Variants in PIGN observed in about 807,000 individuals in gnomAD.
PIGN encodes GPI ethanolamine phosphate transferase 1.
A neutral mutation model predicts 125.4 loss-of-function variants in PIGN; 117 were observed. That is an observed-to-expected ratio of 0.93 (90% CI 0.80 to 1.09). The LOEUF (loss-of-function observed/expected upper bound fraction) is 1.09, where lower values mean the gene tolerates loss of function less well. Among genes scored for constraint, PIGN ranks in the 50% least tolerant of loss-of-function variants. The probability of loss-of-function intolerance (pLI) is 0.00; values close to 1 mark genes in which losing one functional copy is unlikely to be tolerated. For missense variants in PIGN, 1,075 were observed against 1,094.9 expected (o/e 0.98, Z 0.26); for synonymous variants, 392 against 377.8 (o/e 1.04, Z -0.44).
At chr18:62,037,100 A>C (rs1024673062), downstream of PIGN, among the ~76,000 whole-genome samples, 1 of 152,196 alleles carries the variant, frequency 6.6e-6, no homozygotes, top group Admixed American at 6.5e-5. Flanking sequence ...TGCTGTCATC[A>C]TCTATGTAAT....
chr18:62,085,167 ATTT>A, intron 26 of PIGN, 39 bp downstream of exon 26: 1 of 1,129,752 alleles, frequency 8.9e-7, no homozygotes, highest in Non-Finnish European at 1.3e-6. Context: ...AGGTTGCATT[ATTT>A]TTTAGTTATA....
At chr18:62,032,241 A>G (rs1380505435) in intron 23 of PIGN, among the ~76,000 whole-genome samples, 1 of 152,218 alleles carries the variant, frequency 6.6e-6, no homozygotes, top group African/African-American at 2.4e-5. Context: ...GGCACCCATA[A>G]TTCACACCAC....
chr18:62,097,636 CTT>C (rs1274579819), intron 22 of PIGN, among the ~76,000 whole-genome samples: 2 of 152,120 alleles, frequency 1.3e-5, no homozygotes, highest in African/African-American at 4.8e-5. Flanking sequence ...ATTTAGCACT[CTT>C]TGCTTAATTA....
chr18:62,060,060 A>G (rs1420206355), intron 30 of PIGN, among the ~76,000 whole-genome samples: 1 of 152,042 alleles, frequency 6.6e-6, no homozygotes, highest in African/African-American at 2.4e-5. Context: ...GAAATTACTG[A>G]CTCTTGGCTC....
chr18:62,069,487 G>A (rs1025050208), intron 30 of PIGN: 71 of 152,192 alleles, frequency 4.7e-4, no homozygotes, highest in African/African-American at 1.6e-3. Context: ...GCATATATAC[G>A]TACAATGAAC....
intron 4 of PIGN, among the ~76,000 whole-genome samples, chr18:62,158,671 C>T (rs2036828589): frequency 6.6e-6 from 1 of 152,182 alleles, no homozygotes; most frequent in Non-Finnish European, 1.5e-5. Flanking sequence ...ATATCTGCCT[C>T]TCAATACATT....
rs146190525 is a variant in PIGN at position 62,091,076 on chromosome 18, G to A, written c.2181-498C>T. ...ATTAAAACAACAGTGTTGGCCAGGC[G>A]TGGTGGTTCATGCCTGTAATCCCAG... is the stretch of plus-strand genomic sequence containing the variant. On this transcript the variant is annotated intron_variant, in intron 23 of 30. Transcript: ENST00000640252. Among the ~76,000 whole-genome samples the A allele has an allele frequency of 5.9e-3, 897 of 152,246 alleles. 10 individuals are homozygous for A. The highest frequency in any genetic ancestry group is 0.02 in the African/African-American group (831 of 41,546).
chr18:62,030,787 C>A (rs992686491), intron 23 of PIGN, among the ~76,000 whole-genome samples: 1 of 150,854 alleles, frequency 6.6e-6, no homozygotes, highest in African/African-American at 2.5e-5. Context: ...TGTGGCACTG[C>A]ATGTGCCTTT....
chr18:62,141,883 A>T (rs1431153414), intron 11 of PIGN, among the ~76,000 whole-genome samples: 1 of 152,086 alleles, frequency 6.6e-6, no homozygotes, highest in East Asian at 1.9e-4. Context: ...CCTTTAATAC[A>T]CCATGTACCC....
At position 62,106,939 on chromosome 18, in the gene PIGN, A is replaced by T. The variant is rs1312557084; in HGVS notation, c.1674+47T>A. The T allele has an allele frequency of 3.3e-6, 5 of 1,536,694 alleles. No individual in the cohort carries two copies. In the Admixed American group the frequency reaches 7.5e-5, roughly 23 times the overall value. On this transcript the variant is annotated intron_variant, in intron 18 of 30. Coordinates refer to ENST00000640252, the MANE Select transcript of PIGN (RefSeq NM_176787.5). ...TAAGGTCATTTAATACTAGTTACAA[A>T]TATATAAAAGAAATTTGCAAATGTT...
At chr18:62,124,700 C>T (rs1052317290) in intron 14 of PIGN, among the ~76,000 whole-genome samples, 1 of 152,176 alleles carries the variant, frequency 6.6e-6, no homozygotes, top group African/African-American at 2.4e-5. Flanking sequence ...AAATACCAGA[C>T]ATCATATGCC....
intron 4 of PIGN, among the ~76,000 whole-genome samples, chr18:62,159,052 T>C (rs2036844377): frequency 6.6e-6 from 1 of 152,214 alleles, no homozygotes; most frequent in African/African-American, 2.4e-5. Flanking sequence ...GAAACCAGCC[T>C]GGTCAACATG....
At position 62,065,112 on chromosome 18, in the gene PIGN, T is replaced by C. The variant is rs1003152754; in HGVS notation, c.2672+7561A>G. On this transcript the variant is annotated intron_variant, in intron 30 of 30. Coordinates refer to ENST00000640252, the MANE Select transcript of PIGN (RefSeq NM_176787.5). ...AGGCTAAAAGGCGTTTTCTTTTTCT[T>C]TCTCTCTCTCTCTCCCTCCCTTTGT... is the stretch of plus-strand genomic sequence containing the variant. Among the ~76,000 whole-genome samples the C allele has an allele frequency of 1.5e-4, 23 of 151,998 alleles. 1 individual carries two copies. The highest frequency in any genetic ancestry group is 4.8e-4 in the African/African-American group (20 of 41,492).
At position 62,134,251 on chromosome 18, in the gene PIGN, G is replaced by A. The variant is rs561738777; in HGVS notation, c.1172+3992C>T. Among the ~76,000 whole-genome samples, 31 of 152,134 alleles carry A rather than the reference G, an allele frequency of 2.0e-4. 1 individual carries two copies. In the South Asian group the frequency reaches 6.2e-3, roughly 31 times the overall value. ...CTACTAAAAACACAAAAATTAGCTG[G>A]GCGTGGTGGCGTGCTTGTAAGCCCA... On this transcript the variant is annotated intron_variant, in intron 14 of 30. Transcript: ENST00000640252.
chr18:62,082,687 C>T lies in PIGN; in HGVS notation c.2562G>A (p.Gln854=). ...ATTCATCTTACCTTTTTGACGATAA[C>T]TGAGTAGTCAACTGAACTGCTTCAA... ...CAFEAVQLTT[Q]LSSKSLFLIV... Residue 854 remains glutamine (Q), a synonymous_variant, in exon 28 of 31, where the codon CAG becomes CAA. Coordinates refer to ENST00000640252, the MANE Select transcript of PIGN (RefSeq NM_176787.5). The T allele has an allele frequency of 6.5e-7, 1 of 1,539,510 alleles. No homozygotes were observed. The highest frequency in any genetic ancestry group is 8.8e-7 in the Non-Finnish European group (1 of 1,132,816).
intron 14 of PIGN, among the ~76,000 whole-genome samples, chr18:62,131,041 A>G (rs918570697): frequency 4.7e-4 from 71 of 152,144 alleles, no homozygotes; most frequent in African/African-American, 1.6e-3. Context: ...GCAGAAAATT[A>G]TGTTTCTTAC....
intron 6 of PIGN, among the ~76,000 whole-genome samples, chr18:62,156,394 T>C (rs909234219): frequency 1.1e-4 from 16 of 152,146 alleles, no homozygotes; most frequent in Non-Finnish European, 1.6e-4. Context: ...AGTGGCATAA[T>C]CATGGCTCAC....
intron 10 of PIGN, among the ~76,000 whole-genome samples, chr18:62,144,019 C>G (rs547353842): frequency 6.6e-6 from 1 of 152,192 alleles, no homozygotes; most frequent in South Asian, 2.1e-4. Flanking sequence ...AAATTTCATT[C>G]AATAAGCTAA....
chr18:62,032,114 G>A (rs2030201202), intron 23 of PIGN, among the ~76,000 whole-genome samples: 1 of 152,086 alleles, frequency 6.6e-6, no homozygotes, highest in Admixed American at 6.6e-5. Flanking sequence ...GGGACCACCT[G>A]GATAATCCAG....
Sources: gnomAD v4.1 joint callset for allele counts (sites outside exome capture counted in the v4.1 genomes callset) on GRCh38, gnomAD v4.1.1 for gene constraint, MANE v1.5 for transcripts, NCBI Gene and HGNC (gene_info 2026-07-23, HGNC 2026-07-21) for gene names.